GNAS: variants seen among roughly 807,000 people sequenced by gnomAD.
The protein encoded by GNAS is protein ALEX.
In GNAS, 8 loss-of-function variants were observed where a neutral mutation model predicts 54.5. The ratio of observed to expected loss-of-function variants is 0.15; its 90% CI spans 0.09 to 0.26. The LOEUF is 0.26. Ranked by LOEUF, GNAS falls within the 10% of genes least tolerant of loss-of-function variation. The probability of loss-of-function intolerance (pLI) is 1.00; values close to 1 mark genes in which losing one functional copy is unlikely to be tolerated. For missense variants in GNAS, 170 were observed against 529.8 expected, an observed-to-expected ratio of 0.32 and a Z score of 6.67; for synonymous variants, 204 against 191.4, an observed-to-expected ratio of 1.07 and a Z score of -0.54.
At chr20:58,892,053 G>A (rs968044111) in intron 1 of GNAS, 188 bp downstream of exon 1, 3 of 910,918 alleles carry the variant, frequency 3.3e-6, no homozygotes, top group Non-Finnish European at 3.9e-6. Flanking sequence ...CCGGGCGGGG[G>A]CTCAAAAACG....
intron 1 of GNAS, among the ~76,000 whole-genome samples, chr20:58,875,193 A>G (rs2087725750): frequency 6.6e-6 from 1 of 152,156 alleles, no homozygotes; most frequent in Non-Finnish European, 1.5e-5. Flanking sequence ...GGCTTCTTAA[A>G]AATTGCCACC....
intron 1 of GNAS, among the ~76,000 whole-genome samples, chr20:58,851,642 T>C (rs1203285584): frequency 6.6e-6 from 1 of 152,188 alleles, no homozygotes; most frequent in Non-Finnish European, 1.5e-5. Context: ...CCAGGTGGTG[T>C]GGGCATTTAC....
chr20:58,840,711 G>A, upstream of GNAS: 1 of 1,603,872 alleles, frequency 6.2e-7, no homozygotes, highest in African/African-American at 1.3e-5. The surrounding 1 kb of genome is among the most constrained non-coding windows in gnomAD (Gnocchi z 6.0). Context: ...AAAGATCCAA[G>A]GGACCCCGAA....
rs865957897 is a variant in GNAS at position 58,882,169 on chromosome 20, C to T, written c.44-13443C>T. 7.2e-5 allele frequency among the ~76,000 whole-genome samples: 11 copies of T among 152,112 alleles called. No individual in the cohort carries two copies. In the South Asian group the frequency reaches 1.0e-3, roughly 14 times the overall value. On this transcript the variant is annotated intron_variant, in intron 1 of 12. Coordinates refer to the GNAS transcript ENST00000306090. ...CTGCAAGCTCCGCCTCCCGGGTTCACGCCATTCTCCCGCCTCAGCCTCCCG... is the reference window on the plus strand; with the variant it reads ...CTGCAAGCTCCGCCTCCCGGGTTCATGCCATTCTCCCGCCTCAGCCTCCCG...
At chr20:58,855,909 G>A (rs746841205) in intron 1 of GNAS, 35 of 490,806 alleles carry the variant, frequency 7.1e-5, no homozygotes, top group Non-Finnish European at 1.2e-4. Flanking sequence ...TTGGGAACGG[G>A]CTGTGTTGTG....
chr20:58,905,140 A>G (rs1048589080), intron 5 of GNAS, among the ~76,000 whole-genome samples: 2 of 152,238 alleles, frequency 1.3e-5, no homozygotes, highest in Non-Finnish European at 2.9e-5. Flanking sequence ...ACACGAGAAA[A>G]GAAACTACCC....
At chr20:58,865,438 ATATATTT>A (rs1356751957) in intron 1 of GNAS, among the ~76,000 whole-genome samples, 2 of 147,714 alleles carry the variant, frequency 1.4e-5, no homozygotes, top group African/African-American at 2.5e-5. Context: ...ATATATACAC[ATATATTT>A]TATATTATAT....
intron 1 of GNAS, among the ~76,000 whole-genome samples, chr20:58,851,712 CG>C (rs1253500832): frequency 6.6e-6 from 1 of 152,242 alleles, no homozygotes; most frequent in African/African-American, 2.4e-5. Flanking sequence ...CGCGGGCAAC[CG>C]CCGGGTTTGT....
rs1353644885 is a variant in GNAS, at chr20:58,910,658, C to T, written c.1039-25C>T. On this transcript the variant is annotated intron_variant, in intron 12 of 12. Transcript: ENST00000371085. The surrounding 1 kb of genome is among the most constrained non-coding windows in gnomAD (Gnocchi z 5.8). ...TGGTTCCTGGCGAGGGTGTCACTGACAAGTCCCCTTGTTTGTGCCCGCAGA... is the reference window on the plus strand; with the variant it reads ...TGGTTCCTGGCGAGGGTGTCACTGATAAGTCCCCTTGTTTGTGCCCGCAGA... 2 of 1,613,970 alleles carry T rather than the reference C, an allele frequency of 1.2e-6. No homozygotes were observed. The highest frequency in any genetic ancestry group is 2.7e-5 in the African/African-American group (2 of 75,028).
intron 1 of GNAS, among the ~76,000 whole-genome samples, chr20:58,895,009 T>C (rs896025971): frequency 3.3e-5 from 5 of 152,144 alleles, no homozygotes; most frequent in East Asian, 1.9e-4. Flanking sequence ...GTGGATAAAA[T>C]GTAATGCAGT....
rs888965181 is a variant in GNAS, at chr20:58,841,439, ACG to A, written c.43+562_43+563del. 18 of 992,542 alleles carry A rather than the reference ACG, an allele frequency of 1.8e-5. No individual in the cohort carries two copies. The highest frequency in any genetic ancestry group is 2.2e-5 in the Non-Finnish European group (18 of 834,554). The allele number at this position is 992,542 out of a possible 1,614,324, so 61.5% of individuals were successfully genotyped here. ...AGACTGACCACCCGGGAGGGAAGTC[ACG>A]CGCGCGCGGCGCCTAAGCAGCTCAG... On this transcript the variant is annotated intron_variant, in intron 1 of 12. Transcript: ENST00000306090. This position sits in a 1 kb window ranked among gnomAD's most constrained non-coding sequence, Gnocchi z 5.0.
In GNAS at chr20:58,909,846, G is replaced by A; in HGVS notation, c.839+42G>A. The A allele has an allele frequency of 6.2e-7, 1 of 1,612,496 alleles. No homozygotes were observed. The highest frequency in any genetic ancestry group is 8.5e-7 in the Non-Finnish European group (1 of 1,179,640). The stretch of plus-strand genomic sequence containing the variant: ...CCCACCCCCTGCGCTTGCCCAGGAG[G>A]CCCTGGTCTGCACTGTTTATAGAGA... On this transcript the variant is annotated intron_variant, in intron 10 of 12. Transcript: ENST00000371085. The surrounding 1 kb of genome is among the most constrained non-coding windows in gnomAD (Gnocchi z 7.3).
chr20:58,864,329 C>A (rs546350837), intron 1 of GNAS, among the ~76,000 whole-genome samples: 5 of 152,188 alleles, frequency 3.3e-5, no homozygotes, highest in Non-Finnish European at 7.4e-5. Flanking sequence ...ATAATCAGCC[C>A]CTCGATTTTT....
intron 1 of GNAS, among the ~76,000 whole-genome samples, chr20:58,870,803 T>C (rs561924806): frequency 1.3e-5 from 2 of 152,168 alleles, no homozygotes; most frequent in Non-Finnish European, 2.9e-5. Context: ...CTGCCCACTT[T>C]CGCTTCCCAC....
At chr20:58,893,968 G>A (rs757208235) in intron 1 of GNAS, among the ~76,000 whole-genome samples, 2 of 152,224 alleles carry the variant, frequency 1.3e-5, no homozygotes, top group Non-Finnish European at 2.9e-5. Context: ...ACATCATGAT[G>A]TATTGATTGC....
intron 1 of GNAS, chr20:58,884,476 C>T (rs868614535): frequency 6.6e-6 from 1 of 152,170 alleles, no homozygotes; most frequent in Admixed American, 6.5e-5. Flanking sequence ...CCAGGTGCAC[C>T]AACTGCCTCT....
chr20:58,889,146 C>G (rs865947378), upstream of GNAS: 12 of 1,206,300 alleles, frequency 9.9e-6, no homozygotes, highest in Admixed American at 5.6e-5. Context: ...TCATCGGGGC[C>G]GGTTAGAAGC....
intron 1 of GNAS, among the ~76,000 whole-genome samples, chr20:58,868,901 C>G (rs758276345): frequency 1.3e-5 from 2 of 152,144 alleles, no homozygotes; most frequent in African/African-American, 2.4e-5. Flanking sequence ...AGATGGCGCT[C>G]GGCTTTTACG....
At chr20:58,868,967 C>T (rs571486567) in intron 1 of GNAS, among the ~76,000 whole-genome samples, 4 of 152,294 alleles carry the variant, frequency 2.6e-5, no homozygotes, top group South Asian at 2.1e-4. Context: ...AGGCAGAACC[C>T]GCATCCCCCT....
Sources: allele counts gnomAD v4.1 joint callset (sites outside exome capture counted in the v4.1 genomes callset), GRCh38; gene constraint gnomAD v4.1.1; non-coding constraint Gnocchi (gnomAD v3.1); transcripts MANE v1.5; gene names NCBI Gene and HGNC (gene_info 2026-07-23, HGNC 2026-07-21).